LCOR: variants seen among roughly 807,000 people sequenced by gnomAD.
LCOR encodes ligand-dependent corepressor.
A neutral mutation model predicts 64.4 loss-of-function variants in LCOR; 14 were observed. That is an observed-to-expected ratio of 0.22 (90% CI 0.14 to 0.34). The LOEUF is 0.34. LCOR is among the 10% of genes least tolerant of loss of function. The probability of loss-of-function intolerance (pLI) is 1.00; values close to 1 mark genes in which losing one functional copy is unlikely to be tolerated. For missense variants in LCOR, 1,686 were observed against 1,765.3 expected, an observed-to-expected ratio of 0.96 and a Z score of 0.80; for synonymous variants, 643 against 642.5, an observed-to-expected ratio of 1.00 and a Z score of -0.01.
chr10:96,898,120 C>A (rs1846573140), intron 2 of LCOR, among the ~76,000 whole-genome samples: 1 of 152,048 alleles, frequency 6.6e-6, no homozygotes, highest in African/African-American at 2.4e-5. Context: ...AACTCCAGTT[C>A]TTTGCTGAAA....
Position 96,987,349 on chromosome 10 carries a change from C to G in LCOR, c.*2215C>G, listed in dbSNP as rs1250652803. On this transcript the variant is annotated 3_prime_UTR_variant, in exon 8 of 8. Coordinates refer to ENST00000421806, the MANE Select transcript of LCOR (RefSeq NM_001346516.2). The stretch of plus-strand genomic sequence containing the variant: ...CTGTACAGAAGAGGTGCCCCGTTGG[C>G]TGCATACCGACTACCTTGTAAGGTG... The G allele has an allele frequency of 1.3e-5, 2 of 152,194 alleles. No homozygotes were observed. The highest frequency in any genetic ancestry group is 2.9e-5 in the Non-Finnish European group (2 of 68,048). 9.4% of individuals were successfully genotyped at this position (152,194 alleles called of 1,614,324 possible).
intron 2 of LCOR, among the ~76,000 whole-genome samples, chr10:96,857,041 T>A (rs1845817150): frequency 6.6e-6 from 1 of 152,000 alleles, no homozygotes; most frequent in Non-Finnish European, 1.5e-5. Context: ...TTTAGTGAAT[T>A]CTTCAGTCAC....
At chr10:96,927,146 T>C (rs1428411809) in intron 4 of LCOR, among the ~76,000 whole-genome samples, 1 of 152,142 alleles carries the variant, frequency 6.6e-6, no homozygotes, top group Non-Finnish European at 1.5e-5. Context: ...TGTATGAGAG[T>C]TCCAGTGTTC....
intron 7 of LCOR, chr10:96,956,583 G>T: frequency 1.0e-6 from 1 of 985,774 alleles, no homozygotes; most frequent in South Asian, 4.7e-5. Flanking sequence ...CAGAGGGGAA[G>T]GTGGTGGAAA....
intron 2 of LCOR, among the ~76,000 whole-genome samples, chr10:96,855,755 G>A (rs1845792651): frequency 1.4e-5 from 2 of 142,956 alleles, no homozygotes; most frequent in African/African-American, 5.3e-5. Context: ...CTTTTGTTTT[G>A]TTTTGAGACG....
chr10:96,866,938 A>T (rs1845984558), intron 2 of LCOR, among the ~76,000 whole-genome samples: 2 of 151,992 alleles, frequency 1.3e-5, no homozygotes, highest in African/African-American at 4.8e-5. Flanking sequence ...TGTATGAGAG[A>T]TTGGTTTTTC....
chr10:96,934,940 C>T (rs903548058), intron 4 of LCOR, among the ~76,000 whole-genome samples: 1 of 152,062 alleles, frequency 6.6e-6, no homozygotes, highest in African/African-American at 2.4e-5. Flanking sequence ...TTTATGCCAA[C>T]AACTTGTTCT....
intron 7 of LCOR, among the ~76,000 whole-genome samples, chr10:96,965,640 C>T (rs1162790965): frequency 4.9e-5 from 6 of 121,496 alleles, no homozygotes; most frequent in African/African-American, 1.3e-4. Flanking sequence ...CCAGCCTGGG[C>T]GACAGAGCGA....
At chr10:96,908,916 T>A (rs903211511) in intron 4 of LCOR, among the ~76,000 whole-genome samples, 1 of 151,742 alleles carries the variant, frequency 6.6e-6, no homozygotes, top group Non-Finnish European at 1.5e-5. Flanking sequence ...GGGGTTTCAC[T>A]GTGTTAGCCA....
chr10:96,889,831 A>G (rs925158668), intron 2 of LCOR, among the ~76,000 whole-genome samples: 6 of 152,202 alleles, frequency 3.9e-5, no homozygotes, highest in Non-Finnish European at 5.9e-5. Context: ...CTGTCAGGTT[A>G]TTATGAATAA....
intron 4 of LCOR, among the ~76,000 whole-genome samples, chr10:96,927,121 T>TCA (rs1847182168): frequency 6.6e-6 from 1 of 152,180 alleles, no homozygotes; most frequent in Non-Finnish European, 1.5e-5. Flanking sequence ...AACCATTTTG[T>TCA]GTTTCCATCA....
intron 4 of LCOR, among the ~76,000 whole-genome samples, chr10:96,938,708 AAAT>A (rs1399994330): frequency 2.6e-5 from 4 of 152,262 alleles, no homozygotes; most frequent in African/African-American, 4.8e-5. Flanking sequence ...CATTAAAAAA[AAAT>A]AATAATTGTA....
At chr10:96,868,476 G>A (rs1374525711) in intron 2 of LCOR, among the ~76,000 whole-genome samples, 1 of 150,798 alleles carries the variant, frequency 6.6e-6, no homozygotes, top group Non-Finnish European at 1.5e-5. Context: ...GGGTTTCACT[G>A]TGTTAGCCAG....
chr10:96,838,065 C>T (rs563029656), intron 2 of LCOR, among the ~76,000 whole-genome samples: 1 of 152,314 alleles, frequency 6.6e-6, no homozygotes, highest in Non-Finnish European at 1.5e-5. Context: ...ATTCTATACA[C>T]TTGCACATTG....
intron 4 of LCOR, among the ~76,000 whole-genome samples, chr10:96,913,525 A>G (rs532389014): frequency 6.6e-6 from 1 of 152,316 alleles, no homozygotes; most frequent in East Asian, 1.9e-4. Context: ...ATGATGGGAG[A>G]GTAGGATGTT....
intron 4 of LCOR, among the ~76,000 whole-genome samples, chr10:96,927,589 A>G (rs2134483747): frequency 6.6e-6 from 1 of 152,248 alleles, no homozygotes; most frequent in East Asian, 1.9e-4. Context: ...AAAGTTTAGT[A>G]GTAACTGTTA....
chr10:96,928,695 C>T (rs1474798506), intron 4 of LCOR, among the ~76,000 whole-genome samples: 68 of 152,102 alleles, frequency 4.5e-4, no homozygotes, highest in Non-Finnish European at 8.8e-5. Flanking sequence ...AAATCTTTTC[C>T]GGAAAGTTTT....
chr10:96,889,875 T>C (rs191509568), intron 2 of LCOR, among the ~76,000 whole-genome samples: 64 of 152,342 alleles, frequency 4.2e-4, no homozygotes, highest in African/African-American at 1.5e-3. Context: ...AACATTCATG[T>C]ATGACTTTTT....
chr10:96,925,441 CTT>C (rs1847152194), intron 4 of LCOR, among the ~76,000 whole-genome samples: 1 of 152,046 alleles, frequency 6.6e-6, no homozygotes, highest in African/African-American at 2.4e-5. Context: ...TAGAATTTCT[CTT>C]AATTTAGGTT....
Sources: allele counts gnomAD v4.1 joint callset (sites outside exome capture counted in the v4.1 genomes callset), GRCh38; gene constraint gnomAD v4.1.1; transcripts MANE v1.5; gene names NCBI Gene and HGNC (gene_info 2026-07-23, HGNC 2026-07-21).